Variants in ZMYM5 observed in about 807,000 individuals in gnomAD.
ZMYM5 encodes the protein zinc finger MYM-type containing 5, also known as zinc finger MYM-type protein 5.
ZMYM5 carries 41 observed loss-of-function variants against 61.8 expected under a neutral mutation model. The ratio of observed to expected loss-of-function variants is 0.66; its 90% CI spans 0.52 to 0.86. The LOEUF is 0.86. Among genes scored for constraint, ZMYM5 ranks in the 40% least tolerant of loss-of-function variants. ZMYM5 has a pLI of 0.00. For synonymous variants in ZMYM5, 257 were observed against 276.4 expected (o/e 0.93, Z 0.70); for missense variants, 706 against 786.7 (o/e 0.90, Z 1.23).
At chr13:19,837,340 C>G (rs1952705344) in intron 6 of ZMYM5, 1 of 1,156,432 alleles carries the variant, frequency 8.6e-7, no homozygotes. Flanking sequence ...TTTTCCAGCC[C>G]TTGACCCCCA....
chr13:19,852,319 TCTA>T, intron 2 of ZMYM5, 129 bp from the exon 3 acceptor site: 2 of 977,444 alleles, frequency 2.0e-6, no homozygotes. Context: ...TTGTTTTTCC[TCTA>T]CTGTTAACTA....
intron 4 of ZMYM5, among the ~76,000 whole-genome samples, chr13:19,840,382 C>T (rs576155672): frequency 6.6e-6 from 1 of 152,264 alleles, no homozygotes; most frequent in South Asian, 2.1e-4. Flanking sequence ...TGTGGTGGCG[C>T]TCGCTTGCAG....
Position 19,835,753 on chromosome 13 carries a change from A to G in ZMYM5, c.1039-64T>C, listed in dbSNP as rs891723512. The G allele has an allele frequency of 3.4e-6, 4 of 1,188,626 alleles. No individual in the cohort carries two copies. The African/African-American group carries it at 6.3e-5, about 19-fold the overall frequency. The allele number at this position is 1,188,626 out of a possible 1,614,324, so 73.6% of individuals were successfully genotyped here. A position where few individuals can be genotyped will look rare whatever the true frequency, so the allele number is the denominator to read the frequency against. On this transcript the variant is annotated intron_variant, in intron 6 of 7. Coordinates refer to ENST00000337963, the MANE Select transcript of ZMYM5 (RefSeq NM_001142684.2). Reference sequence around the variant, plus strand: ...AACCAGATTAGCATAGCAAGCAATGAGATAACTAGTTTCTGCAATAGAAGC... The same window carrying G: ...AACCAGATTAGCATAGCAAGCAATGGGATAACTAGTTTCTGCAATAGAAGC...
chr13:19,840,638 T>A (rs1044466881), intron 4 of ZMYM5, among the ~76,000 whole-genome samples: 1 of 151,730 alleles, frequency 6.6e-6, no homozygotes, highest in East Asian at 1.9e-4. Context: ...TCTCCCAAAG[T>A]GCTAAAATTA....
intron 2 of ZMYM5, among the ~76,000 whole-genome samples, chr13:19,853,330 T>C (rs1953382005): frequency 6.6e-6 from 1 of 152,198 alleles, no homozygotes; most frequent in African/African-American, 2.4e-5. Context: ...CAGGTGGTAA[T>C]GAAATTGATC....
chr13:19,845,876 T>A (rs1161159413), intron 4 of ZMYM5, among the ~76,000 whole-genome samples: 1 of 152,180 alleles, frequency 6.6e-6, no homozygotes, highest in Non-Finnish European at 1.5e-5. Context: ...TAGTTTTATT[T>A]GGGTTTCATT....
chr13:19,840,923 C>T (rs149159354), intron 4 of ZMYM5, among the ~76,000 whole-genome samples: 8,246 of 151,934 alleles, frequency 0.054, 313 homozygotes, highest in Middle Eastern at 0.12. Context: ...ATGATCCACC[C>T]GCCTTGGCCC....
intron 4 of ZMYM5, among the ~76,000 whole-genome samples, chr13:19,842,477 C>G (rs941105280): frequency 6.6e-6 from 1 of 151,986 alleles, no homozygotes. Flanking sequence ...ATTCTTAAAG[C>G]TTCCTGGTAA....
At chr13:19,837,961 C>A in intron 5 of ZMYM5, 140 bp from the exon 6 acceptor site, 1 of 981,260 alleles carries the variant, frequency 1.0e-6, no homozygotes, top group Non-Finnish European at 1.4e-6. Flanking sequence ...GCAGCAAATC[C>A]ACTTTTGGCT....
intron 7 of ZMYM5, among the ~76,000 whole-genome samples, chr13:19,831,597 A>G (rs977964064): frequency 2.6e-5 from 4 of 151,550 alleles, no homozygotes; most frequent in African/African-American, 9.7e-5. Context: ...GGAGTTCAAG[A>G]CCAGTCTGGC....
chr13:19,824,411 G>A lies in ZMYM5; in HGVS notation c.*66C>T. 1.6e-6 allele frequency: 2 copies of A among 1,233,804 alleles called. 1 individual carries two copies. The highest frequency in any genetic ancestry group is 3.2e-5 in the South Asian group (2 of 62,956). 76.4% of individuals were successfully genotyped at this position (1,233,804 alleles called of 1,614,324 possible). A position where few individuals can be genotyped will look rare whatever the true frequency, so the allele number is the denominator to read the frequency against. ...TTACAACACAATAGTACTGACTATT[G>A]CAGGACAGATGTTTTCTGAGTAATG... On this transcript the variant is annotated 3_prime_UTR_variant, in exon 8 of 8. Coordinates refer to ENST00000337963, the MANE Select transcript of ZMYM5 (RefSeq NM_001142684.2).
intron 4 of ZMYM5, among the ~76,000 whole-genome samples, chr13:19,843,214 T>C (rs1359875486): frequency 6.7e-6 from 1 of 149,786 alleles, no homozygotes; most frequent in East Asian, 2.0e-4. Flanking sequence ...ACCTCCCAGG[T>C]TGAAGTGATT....
At chr13:19,828,464 ACT>A (rs1208510182) in intron 7 of ZMYM5, among the ~76,000 whole-genome samples, 2 of 152,040 alleles carry the variant, frequency 1.3e-5, no homozygotes, top group African/African-American at 2.4e-5. Context: ...ACAGAGTGAG[ACT>A]CTGTCTCCAA....
chr13:19,843,930 C>T (rs1044982838), intron 4 of ZMYM5, among the ~76,000 whole-genome samples: 1 of 151,274 alleles, frequency 6.6e-6, no homozygotes, highest in African/African-American at 2.4e-5. Context: ...GTCAGGGGAT[C>T]GGACCATCCT....
In ZMYM5 at chr13:19,825,993, C is replaced by A. The variant is rs1284580072; in HGVS notation, c.1252-758G>T. Among the ~76,000 whole-genome samples, 3 of 148,270 alleles carry A rather than the reference C, an allele frequency of 2.0e-5. No homozygotes were observed. In the East Asian group the frequency reaches 5.9e-4, roughly 29 times the overall value. ...CCCTGGAGTCGGAGGTGGCAGTGAG[C>A]TGAGATCATGCCATTGTACTCCAGC... On this transcript the variant is annotated intron_variant, in intron 7 of 7. Coordinates refer to ENST00000337963, the MANE Select transcript of ZMYM5 (RefSeq NM_001142684.2).
chr13:19,829,438 C>G (rs1001279313), intron 7 of ZMYM5, among the ~76,000 whole-genome samples: 2 of 152,028 alleles, frequency 1.3e-5, no homozygotes, highest in East Asian at 3.9e-4. Flanking sequence ...ACCACAGGGG[C>G]ATGCCACGCC....
chr13:19,843,848 AAGG>A (rs1952978679), intron 4 of ZMYM5, among the ~76,000 whole-genome samples: 1 of 149,638 alleles, frequency 6.7e-6, no homozygotes, highest in Non-Finnish European at 1.5e-5. Context: ...AAAAAAAAAA[AAGG>A]GGGCCAGGTG....
chr13:19,860,468 G>GTA (rs1411901180), intron 2 of ZMYM5, among the ~76,000 whole-genome samples: 1 of 141,824 alleles, frequency 7.1e-6, no homozygotes, highest in Non-Finnish European at 1.5e-5. Context: ...GTGTGTGTGT[G>GTA]TGTATTTTTT....
chr13:19,845,503 A>G (rs10220082), intron 4 of ZMYM5, among the ~76,000 whole-genome samples: 14,959 of 152,252 alleles, frequency 0.098, 868 homozygotes, highest in African/African-American at 0.16. Context: ...ACTCAGAGTT[A>G]GCATGAGACC....
Sources: allele counts gnomAD v4.1 joint callset (sites outside exome capture counted in the v4.1 genomes callset), GRCh38; gene constraint gnomAD v4.1.1; transcripts MANE v1.5; gene names NCBI Gene and HGNC (gene_info 2026-07-23, HGNC 2026-07-21).